The following SPTBN4 variants were observed in gnomAD, a reference collection of about 807,000 sequenced individuals.
The protein encoded by SPTBN4 is spectrin beta chain, non-erythrocytic 4.
A neutral mutation model predicts 277.8 loss-of-function variants in SPTBN4; 96 were observed. The ratio of observed to expected loss-of-function variants is 0.35; its 90% confidence interval spans 0.29 to 0.41. The LOEUF (loss-of-function observed/expected upper bound fraction) is 0.41. Ranked by LOEUF, SPTBN4 falls within the 10% of genes least tolerant of loss-of-function variation. SPTBN4 has a pLI of 1.00. For missense variants in SPTBN4, 3,006 were observed against 3,595.7 expected (o/e 0.84, Z 4.19); for synonymous variants, 1,481 against 1,580.3 (o/e 0.94, Z 1.49).
intron 20 of SPTBN4, among the ~76,000 whole-genome samples, chr19:40,538,129 C>G (rs1353796539): frequency 6.6e-6 from 1 of 152,170 alleles, no homozygotes; most frequent in Non-Finnish European, 1.5e-5. Context: ...TGGCTCACGC[C>G]TGTAATCCCA....
intron 20 of SPTBN4, among the ~76,000 whole-genome samples, chr19:40,540,658 C>T (rs1319674377): frequency 6.6e-6 from 1 of 151,396 alleles, no homozygotes; most frequent in East Asian, 2.0e-4. Context: ...TGTTCCAGAC[C>T]AGCCTGGGCA....
chr19:40,520,021 C>T lies in SPTBN4; in HGVS notation c.3524C>T (p.Pro1175Leu), dbSNP rs2080508011. 2 of 1,563,644 alleles carry T rather than the reference C, an allele frequency of 1.3e-6. No homozygotes were observed. Among genetic ancestry groups the T allele is most frequent in the Non-Finnish European group, 1.7e-6 (2 of 1,158,588 alleles). Residue 1175 changes from proline to leucine, a missense_variant, in exon 16 of 36, where the codon CCA becomes CTA. This residue lies in a region of SPTBN4 where 1,759 missense variants were observed against 2,061.5 expected (regional missense o/e 0.85). Transcript: ENST00000598249. ...GPGLALDEWL[P>L]HLELGWHKLL... ...GGCCTGGCACTAGACGAGTGGCTGC[C>T]ACACCTCGAACTTGGCTGGCATAAA...
rs34510741 is a variant in SPTBN4 at position 40,556,996 on chromosome 19, A to ACC, written c.5290-17_5290-16dup. ...GCTGCCCCTTTGCTCACTTTGCTGT[A>ACC]CCCCCCCCCCCACTTCCTGATGGCA... On this transcript the variant is annotated intron_variant, in intron 25 of 35. Transcript: ENST00000598249. 39,025 of 1,341,704 alleles carry ACC rather than the reference A, an allele frequency of 0.029. 536 individuals carry two copies. Among genetic ancestry groups the ACC allele is most frequent in the South Asian group, 0.033 (2,261 of 68,584 alleles). The allele number at this position is 1,341,704 out of a possible 1,614,324, so 83.1% of individuals were successfully genotyped here. A position where few individuals can be genotyped will look rare whatever the true frequency, so the allele number is the denominator to read the frequency against.
At position 40,502,089 on chromosome 19, in the gene SPTBN4, G is replaced by A. The variant is rs1428792355; in HGVS notation, c.898-39G>A. Reference sequence around the variant, plus strand: ...AAGCTGGAAGCTGGTGGCAGGCACGGGTGGGATGAGGCTGACCCCCCTTCC... The same window carrying A: ...AAGCTGGAAGCTGGTGGCAGGCACGAGTGGGATGAGGCTGACCCCCCTTCC... On this transcript the variant is annotated intron_variant, in intron 8 of 35. Transcript: ENST00000598249. The surrounding 1 kb of genome is among the most constrained non-coding windows in gnomAD (Gnocchi z 4.9). 4 of 1,613,364 alleles carry A rather than the reference G, an allele frequency of 2.5e-6. No homozygotes were observed. The African/African-American group carries it at 5.3e-5, about 22-fold the overall frequency.
chr19:40,539,474 T>G (rs1215479292), intron 20 of SPTBN4, among the ~76,000 whole-genome samples: 1 of 152,170 alleles, frequency 6.6e-6, no homozygotes, highest in Non-Finnish European at 1.5e-5. Flanking sequence ...TCTCCATGCT[T>G]CAGTTTCTTT....
At chr19:40,511,264 T>G (rs1001234589) in intron 13 of SPTBN4, among the ~76,000 whole-genome samples, 2 of 151,298 alleles carry the variant, frequency 1.3e-5, no homozygotes, top group African/African-American at 2.4e-5. Context: ...AAAAATTAGC[T>G]GGACATGGTG....
In SPTBN4 at chr19:40,513,506, C is replaced by G. The variant is rs776428397; in HGVS notation, c.2717C>G (p.Ser906Cys). The G allele has an allele frequency of 1.4e-5, 23 of 1,597,598 alleles. No homozygotes were observed. The highest frequency in any genetic ancestry group is 1.8e-5 in the Non-Finnish European group (21 of 1,177,280). ...WIGEKEQWLL[S>C]MRVPDSLDDV... ...GGCGAGAAGGAGCAATGGCTGCTCT[C>G]CATGCGTGTGCCGGATTCACTCGAC... Residue 906 changes from serine to cysteine, a missense_variant, in exon 14 of 36, where the codon TCC becomes TGC. Transcript: ENST00000598249.
At chr19:40,484,993 A>G (rs1487756374) in intron 2 of SPTBN4, among the ~76,000 whole-genome samples, 1 of 151,762 alleles carries the variant, frequency 6.6e-6, no homozygotes, top group East Asian at 1.9e-4. Flanking sequence ...ATTGGCACCC[A>G]CCACCATGCC....
intron 4 of SPTBN4, among the ~76,000 whole-genome samples, chr19:40,492,244 A>G (rs917581210): frequency 6.6e-6 from 1 of 151,864 alleles, no homozygotes; most frequent in Non-Finnish European, 1.5e-5. Flanking sequence ...GAAGACTCAG[A>G]GCTCTGGCCT....
Position 40,513,074 on chromosome 19 carries a change from C to G in SPTBN4, c.2285C>G (p.Ala762Gly). Residue 762 changes from alanine to glycine, a missense_variant, in exon 14 of 36, where the codon GCG becomes GGG. Coordinates refer to ENST00000598249, the MANE Select transcript of SPTBN4 (RefSeq NM_020971.3). Reference protein sequence around the residue: ...RRRWQRLEEAAARRERRLQEA... With the variant: ...RRRWQRLEEAGARRERRLQEA... ...CGCTGGCAGAGGCTGGAAGAGGCGG[C>G]GGCGCGGCGAGAGCGGCGGCTGCAG... 2 of 1,410,858 alleles carry G rather than the reference C, an allele frequency of 1.4e-6. No homozygotes were observed. The highest frequency in any genetic ancestry group is 3.0e-5 in the South Asian group (2 of 67,414). The allele number at this position is 1,410,858 out of a possible 1,614,324, so 87.4% of individuals were successfully genotyped here.
At chr19:40,500,127 T>C (rs1015266499) in intron 7 of SPTBN4, among the ~76,000 whole-genome samples, 7 of 147,332 alleles carry the variant, frequency 4.8e-5, no homozygotes, top group Non-Finnish European at 7.4e-5. Flanking sequence ...GAGGATCACT[T>C]GAGCCCAGGA....
chr19:40,503,832 C>A lies in SPTBN4; in HGVS notation c.1365C>A (p.Asp455Glu). The change falls in exon 12 of 36, where the codon GAC becomes GAA. Residue 455 changes from aspartate to glutamate, a missense_variant and splice_region_variant. By Grantham distance (45) the Asp-to-Glu change is conservative. Around this residue, in one of 5 missense-constraint regions of SPTBN4, gnomAD observed 1,759 missense variants for 2,061.5 expected, o/e 0.85. Coordinates refer to ENST00000598249, the MANE Select transcript of SPTBN4 (RefSeq NM_020971.3). ...GAGTGTCTGGCTCACTGCCCCAGGA[C>A]AACTTTGGGTATGAGCTGCCCGCAG... ...LNENQRLVSQ[D>E]NFGYELPAVE... 6.3e-7 allele frequency: 1 copy of A among 1,578,364 alleles called. No individual in the cohort carries two copies. The highest frequency in any genetic ancestry group is 8.6e-7 in the Non-Finnish European group (1 of 1,158,230).
At chr19:40,548,229 G>A (rs775708844) in intron 20 of SPTBN4, among the ~76,000 whole-genome samples, 18 of 151,992 alleles carry the variant, frequency 1.2e-4, no homozygotes, top group Non-Finnish European at 1.9e-4. Context: ...TTTTTTATCC[G>A]GTAATCCCAG....
In SPTBN4 at chr19:40,570,445, C is replaced by A. The variant is rs1266124004; in HGVS notation, c.7036C>A (p.Pro2346Thr). Residue 2346 changes from proline (P) to threonine (T), a missense_variant, in exon 33 of 36, where the codon CCT (proline) becomes ACT (threonine). Transcript: ENST00000598249. ...GPGLPAGPSLPQPRELPPGRL... is the reference protein window; with the variant it reads ...GPGLPAGPSLTQPRELPPGRL... The stretch of plus-strand genomic sequence containing the variant: ...CCCTCCCTTCACACAGCCGTCGCTG[C>A]CTCAGCCACGCGAGCTTCCCCCAGG... The A allele has an allele frequency of 1.9e-6, 3 of 1,566,312 alleles. No homozygotes were observed. The highest frequency in any genetic ancestry group is 1.7e-6 in the Non-Finnish European group (2 of 1,165,102).
rs781615818 is a variant in SPTBN4, at chr19:40,569,675, C to T, written c.6975C>T (p.Asp2325=). ...CCCCCAGGAAGGCCACCCTGGCTGA[C>T]ATTGTGGAACAGCTGCAGGAGAAAG... ...DLVKGKATLA[D]IVEQLQEKEA... Residue 2325 remains aspartate (D), a synonymous_variant, in exon 32 of 36, where the codon GAC becomes GAT. Coordinates refer to ENST00000598249, the MANE Select transcript of SPTBN4 (RefSeq NM_020971.3). 1 of 1,612,838 alleles carries T rather than the reference C, an allele frequency of 6.2e-7. No homozygotes were observed.
chr19:40,574,078 A>G (rs767984484), intron 35 of SPTBN4, among the ~76,000 whole-genome samples: 128 of 151,922 alleles, frequency 8.4e-4, no homozygotes, highest in Non-Finnish European at 1.6e-3. Flanking sequence ...CTCCAGCCTG[A>G]GCGACAGAGC....
Position 40,568,095 on chromosome 19 carries a change from C to T in SPTBN4, c.6769C>T (p.Gln2257Ter). The T allele has an allele frequency of 6.4e-7, 1 of 1,566,828 alleles. No homozygotes were observed. The highest frequency in any genetic ancestry group is 1.9e-5 in the Admixed American group (1 of 52,236). ...RRPERQESVD[Q>*]SEEAARRRRP... ...GCCTGAGCGGCAAGAGTCAGTCGAT[C>T]AATCCGAGGAGGCTGCGCGGAGGCG... Residue 2257 changes from glutamine (Q) to a stop codon, truncating the protein, a stop_gained, in exon 31 of 36, where the codon CAA (glutamine) becomes TAA (stop). Transcript: ENST00000598249. LOFTEE classifies it high-confidence loss of function.
chr19:40,518,721 G>C (rs2080487880), intron 15 of SPTBN4, among the ~76,000 whole-genome samples: 1 of 152,122 alleles, frequency 6.6e-6, no homozygotes, highest in Non-Finnish European at 1.5e-5. Flanking sequence ...ACTGCACCCG[G>C]CTGAGAAATT....
chr19:40,571,677 A>G (rs2081156873), intron 33 of SPTBN4: 1 of 208,696 alleles, frequency 4.8e-6, no homozygotes, highest in Admixed American at 5.9e-5. Flanking sequence ...CAGTAGACCA[A>G]TAGACTTTCC....
Sources: gnomAD v4.1 joint callset for allele counts (sites outside exome capture counted in the v4.1 genomes callset) on GRCh38, gnomAD v4.1.1 for gene constraint, gnomAD v4.1.1 regional missense constraint, Gnocchi (gnomAD v3.1) non-coding constraint, MANE v1.5 for transcripts, NCBI Gene and HGNC (gene_info 2026-07-23, HGNC 2026-07-21) for gene names.